The following C16orf46 variants were observed in gnomAD, a reference collection of about 807,000 sequenced individuals.
C16orf46 encodes the protein uncharacterized protein C16orf46.
C16orf46 carries 7 observed loss-of-function variants against 5.5 expected under a neutral mutation model. The ratio of observed to expected loss-of-function variants is 1.28; its 90% CI spans 0.73 to 2.40. The LOEUF (loss-of-function observed/expected upper bound fraction) is 2.40, where lower values mean the gene tolerates loss of function less well. Among genes scored for constraint, C16orf46 ranks in the 30% most tolerant of loss-of-function variants. The pLI, the probability that C16orf46 is intolerant of heterozygous loss-of-function variation, is 0.00. For synonymous variants in C16orf46, 200 were observed against 184.1 expected, an observed-to-expected ratio of 1.09 and a Z score of -0.70; for missense variants, 614 against 476.0, an observed-to-expected ratio of 1.29 and a Z score of -2.70.
chr16:81,073,921 C>G (rs1275688400), intron 1 of C16orf46, among the ~76,000 whole-genome samples: 1 of 152,166 alleles, frequency 6.6e-6, no homozygotes, highest in African/African-American at 2.4e-5. Context: ...GACTGGATGA[C>G]TTAGGAGATC....
At chr16:81,060,309 TTTC>T (rs560872512), downstream of C16orf46, 106 of 152,460 alleles carry the variant, frequency 7.0e-4, no homozygotes, top group African/African-American at 2.5e-3. Flanking sequence ...AAGCTGGAGT[TTTC>T]TTTTCTTTCT....
exon 4 of C16orf46, chr16:81,053,631 C>T (rs1442908751): frequency 2.6e-5 from 4 of 155,256 alleles, no homozygotes; most frequent in African/African-American, 9.6e-5. Flanking sequence ...ACTAACTTTT[C>T]ATACTTTACT....
At chr16:81,070,492 C>A (rs139484883) in intron 1 of C16orf46, among the ~76,000 whole-genome samples, 1 of 152,078 alleles carries the variant, frequency 6.6e-6, no homozygotes, top group Admixed American at 6.6e-5. Flanking sequence ...ATACACCCCC[C>A]CAAACATGGC....
At chr16:81,062,309 TA>T (rs201312033) in intron 3 of C16orf46, among the ~76,000 whole-genome samples, 171 bp from the exon 4 acceptor site, 17 of 149,560 alleles carry the variant, frequency 1.1e-4, no homozygotes, top group Middle Eastern at 3.5e-3. Flanking sequence ...TTCATTCACT[TA>T]AAAAAAAAAT....
downstream of C16orf46, among the ~76,000 whole-genome samples, chr16:81,058,956 A>G (rs145878668): frequency 2.9e-3 from 435 of 152,306 alleles, 4 homozygotes; most frequent in African/African-American, 9.9e-3. Context: ...CCCTCTGCTG[A>G]ACAATTTCTC....
rs1488870736 is a variant in C16orf46, at chr16:81,063,888, T to C, written c.68A>G (p.Glu23Gly). Residue 23 changes from glutamate (E) to glycine (G), a missense_variant, in exon 3 of 4, where the codon GAA becomes GGA. Transcript: ENST00000299578. ...NAENNEIQFT[E>G]ETEPTYTCPD... ...ACAAGTATAGGTTGGTTCTGTTTCT[T>C]CTGTGAACTGAATTTCATTATTTTC... 1 of 1,613,878 alleles carries C rather than the reference T, an allele frequency of 6.2e-7. No individual in the cohort carries two copies. Among genetic ancestry groups the C allele is most frequent in the Admixed American group, 1.7e-5 (1 of 60,024 alleles).
chr16:81,064,614 C>T (rs569256547), intron 2 of C16orf46, among the ~76,000 whole-genome samples: 11 of 150,894 alleles, frequency 7.3e-5, no homozygotes, highest in Non-Finnish European at 1.6e-4. Context: ...GGGTGTGGTG[C>T]TGCGCACCTG....
chr16:81,074,186 T>C lies in C16orf46; in HGVS notation c.-128+2950A>G, dbSNP rs1190557322. 8.5e-4 allele frequency among the ~76,000 whole-genome samples: 130 copies of C among 152,280 alleles called. 1 individual carries two copies. Among genetic ancestry groups the C allele is most frequent in the Non-Finnish European group, 2.2e-4 (15 of 68,022 alleles). Reference sequence around the variant, plus strand: ...TGAAGACAGCTATCATTTTGTCAGATACAAATCTCAAGTTCCTCATCATCT... The same window carrying C: ...TGAAGACAGCTATCATTTTGTCAGACACAAATCTCAAGTTCCTCATCATCT... On this transcript the variant is annotated intron_variant, in intron 1 of 3. Transcript: ENST00000299578.
intron 3 of C16orf46, chr16:81,055,290 G>C (rs1390406611): frequency 6.6e-6 from 1 of 151,742 alleles, no homozygotes; most frequent in Non-Finnish European, 1.5e-5. Flanking sequence ...TTCTTGGGCA[G>C]ATAAAAAGGA....
At chr16:81,063,072 C>T (rs909877866) in intron 3 of C16orf46, among the ~76,000 whole-genome samples, 1 of 151,348 alleles carries the variant, frequency 6.6e-6, no homozygotes, top group African/African-American at 2.4e-5. Context: ...ATGGTGAAAC[C>T]CCGTCTCTAC....
chr16:81,067,886 G>T (rs1288239729), intron 1 of C16orf46, among the ~76,000 whole-genome samples: 3 of 151,948 alleles, frequency 2.0e-5, no homozygotes, highest in Non-Finnish European at 4.4e-5. Flanking sequence ...CCTTGAACAA[G>T]GACTTATTGA....
Position 81,061,526 on chromosome 16 carries a change from C to G in C16orf46, c.823G>C (p.Val275Leu). Reference sequence around the variant, plus strand: ...GAAGGGGAGGATGGCGTGTCGTTGACCATAGGGTGTTTGGCCAGCTCACTG... The same window carrying G: ...GAAGGGGAGGATGGCGTGTCGTTGAGCATAGGGTGTTTGGCCAGCTCACTG... ...RASELAKHPMVNDTPSSPSPA... is the reference protein window; with the variant it reads ...RASELAKHPMLNDTPSSPSPA... The change falls in exon 4 of 4, where the codon GTC becomes CTC. Residue 275 changes from valine (V) to leucine (L), a missense_variant. Val to Leu is a conservative substitution (Grantham distance 32). Transcript: ENST00000299578. 6.2e-7 allele frequency: 1 copy of G among 1,614,160 alleles called. No individual in the cohort carries two copies. The highest frequency in any genetic ancestry group is 8.5e-7 in the Non-Finnish European group (1 of 1,180,032).
intron 3 of C16orf46, among the ~76,000 whole-genome samples, chr16:81,055,733 G>A (rs1052960241): frequency 6.6e-6 from 1 of 151,922 alleles, no homozygotes; most frequent in African/African-American, 2.4e-5. Context: ...TTTTATTATT[G>A]TTTTGAGACG....
At chr16:81,069,740 G>A (rs999849464) in intron 1 of C16orf46, 1 of 152,174 alleles carries the variant, frequency 6.6e-6, no homozygotes, top group Admixed American at 6.6e-5. Flanking sequence ...ACTGAAAATA[G>A]AATCCAGACT....
chr16:81,061,021 G>T lies in C16orf46; in HGVS notation c.*140C>A, dbSNP rs1302229576. 7 of 1,395,138 alleles carry T rather than the reference G, an allele frequency of 5.0e-6. No homozygotes were observed. The East Asian group carries it at 1.8e-4, about 35-fold the overall frequency. The allele number at this position is 1,395,138 out of a possible 1,614,324, so 86.4% of individuals were successfully genotyped here. ...TCAGTTGTACTACAAAAAAAAAATG[G>T]AGGAAAAGAAGAGTAAAGACAGACT... is the stretch of plus-strand genomic sequence containing the variant. On this transcript the variant is annotated 3_prime_UTR_variant, in exon 4 of 4. Transcript: ENST00000299578.
chr16:81,054,260 A>C (rs1190253836), intron 3 of C16orf46, among the ~76,000 whole-genome samples: 1 of 143,160 alleles, frequency 7.0e-6, no homozygotes, highest in East Asian at 2.0e-4. Flanking sequence ...AAAACCAACA[A>C]GCAAACAACA....
At chr16:81,054,179 T>C (rs371979548) in intron 3 of C16orf46, 29 of 1,348,002 alleles carry the variant, frequency 2.2e-5, no homozygotes, top group Non-Finnish European at 2.9e-5. Flanking sequence ...ATCTGAATTA[T>C]GACAAAAGGA....
At chr16:81,076,819 G>T (rs1162297712) in intron 1 of C16orf46, 1 of 152,002 alleles carries the variant, frequency 6.6e-6, no homozygotes, top group Non-Finnish European at 1.5e-5. Context: ...CCCTTCCTCC[G>T]CCAGTTCCTA....
chr16:81,070,704 T>A (rs1036617245), intron 1 of C16orf46, among the ~76,000 whole-genome samples: 1 of 152,222 alleles, frequency 6.6e-6, no homozygotes, highest in Non-Finnish European at 1.5e-5. Context: ...TATTTATTTT[T>A]GAGACGCAGT....
Sources: gnomAD v4.1 joint callset for allele counts (sites outside exome capture counted in the v4.1 genomes callset) on GRCh38, gnomAD v4.1.1 for gene constraint, MANE v1.5 for transcripts, NCBI Gene and HGNC (gene_info 2026-07-23, HGNC 2026-07-21) for gene names.